The following RIMS2 variants were observed in gnomAD, a reference collection of about 807,000 sequenced individuals.
The protein encoded by RIMS2 is regulating synaptic membrane exocytosis 2.
RIMS2 carries 59 observed loss-of-function variants against 174.4 expected under a neutral mutation model. The observed-to-expected ratio is 0.34, with a 90% confidence interval of 0.27 to 0.42. The LOEUF is 0.42. RIMS2 is among the 10% of genes least tolerant of loss of function. RIMS2 has a pLI of 1.00. For missense variants in RIMS2, 1,620 were observed against 1,666.3 expected (o/e 0.97, Z 0.48); for synonymous variants, 606 against 572.5 (o/e 1.06, Z -0.84).
At chr8:104,041,278 C>A (rs1419981438) in intron 19 of RIMS2, 48 bp from the exon 22 acceptor site, 3 of 636,136 alleles carry the variant, frequency 4.7e-6, no homozygotes, top group Non-Finnish European at 8.7e-6. Flanking sequence ...CATCCACTCA[C>A]TCCCATCTCC....
chr8:103,739,219 G>A (rs541317193), intron 2 of RIMS2, among the ~76,000 whole-genome samples: 104 of 152,278 alleles, frequency 6.8e-4, no homozygotes, highest in African/African-American at 2.2e-3. Context: ...ATGAGTTCAT[G>A]TCCTTTGTAG....
At chr8:103,780,855 G>A (rs1453700512) in intron 3 of RIMS2, among the ~76,000 whole-genome samples, 2 of 151,720 alleles carry the variant, frequency 1.3e-5, no homozygotes, top group East Asian at 3.9e-4. Flanking sequence ...TCCCTGTCTG[G>A]CTTGTTTTGT....
chr8:104,153,229 C>CT (rs2098701089), intron 19 of RIMS2, among the ~76,000 whole-genome samples: 1 of 152,016 alleles, frequency 6.6e-6, no homozygotes, highest in African/African-American at 2.4e-5. Flanking sequence ...TTGAGTATGA[C>CT]TTGATAGGCA....
At chr8:103,971,255 AG>A (rs887165807) in intron 15 of RIMS2, among the ~76,000 whole-genome samples, 10 of 152,218 alleles carry the variant, frequency 6.6e-5, no homozygotes, top group African/African-American at 1.9e-4. Flanking sequence ...AATTTTGGAC[AG>A]ATGTTTGTTT....
At chr8:103,815,110 A>C (rs1045971810) in intron 3 of RIMS2, among the ~76,000 whole-genome samples, 1 of 152,244 alleles carries the variant, frequency 6.6e-6, no homozygotes, top group Admixed American at 6.5e-5. Flanking sequence ...TCATGTTCTT[A>C]CCCAGAGATA....
intron 1 of RIMS2, among the ~76,000 whole-genome samples, chr8:103,593,841 A>T (rs948344141): frequency 8.6e-5 from 13 of 151,486 alleles, no homozygotes; most frequent in Admixed American, 7.9e-4. Context: ...TAAATAGAAA[A>T]TTTAATTTCT....
intron 3 of RIMS2, among the ~76,000 whole-genome samples, chr8:103,814,466 T>G (rs890703831): frequency 6.6e-6 from 1 of 151,716 alleles, no homozygotes; most frequent in Non-Finnish European, 1.5e-5. Context: ...ACTTCAAAAA[T>G]TTTTGAGGAT....
chr8:104,028,790 A>G (rs912327131), intron 19 of RIMS2, among the ~76,000 whole-genome samples: 1 of 152,212 alleles, frequency 6.6e-6, no homozygotes, highest in Non-Finnish European at 1.5e-5. Flanking sequence ...GGTTATCAAG[A>G]TGTTACTGGA....
intron 19 of RIMS2, among the ~76,000 whole-genome samples, chr8:104,193,829 T>C (rs2099010216): frequency 1.3e-5 from 2 of 152,342 alleles, no homozygotes; most frequent in Non-Finnish European, 1.5e-5. Context: ...TCATTTTTAT[T>C]GGGGTTTCTA....
In RIMS2 at chr8:103,956,885, G is replaced by T. The variant is rs1021781215; in HGVS notation, c.2702-4180G>T. On this transcript the variant is annotated intron_variant, in intron 14 of 23. Coordinates refer to ENST00000504942, the Ensembl canonical transcript of RIMS2. ...AGGGCTAATATCCAGAATCTACAAA[G>T]AACTTAAACAGATTTACAAGAAAAA... 3.3e-5 allele frequency among the ~76,000 whole-genome samples: 5 copies of T among 152,000 alleles called. No homozygotes were observed. In the South Asian group the frequency reaches 6.2e-4, roughly 19 times the overall value.
At chr8:103,517,418 G>A (rs979530382) in intron 1 of RIMS2, among the ~76,000 whole-genome samples, 1 of 152,136 alleles carries the variant, frequency 6.6e-6, no homozygotes, top group African/African-American at 2.4e-5. Flanking sequence ...GGGATGGAGT[G>A]GTGGAAGGTG....
intron 19 of RIMS2, among the ~76,000 whole-genome samples, chr8:104,218,571 AAT>A (rs1422076204): frequency 6.6e-6 from 1 of 152,122 alleles, no homozygotes; most frequent in Non-Finnish European, 1.5e-5. Context: ...AACTCACCAT[AAT>A]ATAGAATCAG....
chr8:103,514,861 G>T (rs918721596), intron 1 of RIMS2, among the ~76,000 whole-genome samples: 1 of 151,540 alleles, frequency 6.6e-6, no homozygotes, highest in Non-Finnish European at 1.5e-5. Flanking sequence ...TGGCGCCACT[G>T]CACTTCAGCC....
In RIMS2 at chr8:104,123,663, T is replaced by A. The variant is rs552631202; in HGVS notation, c.3334+109048T>A. Among the ~76,000 whole-genome samples the A allele has an allele frequency of 1.2e-4, 18 of 149,346 alleles. No individual in the cohort carries two copies. In the South Asian group the frequency reaches 1.7e-3, roughly 14 times the overall value. ...ATTGGTAGATTACAAAAAAAAAAAATACAAATAGTGATTAACTAGTATTTT... is the reference window on the plus strand; with the variant it reads ...ATTGGTAGATTACAAAAAAAAAAAAAACAAATAGTGATTAACTAGTATTTT... On this transcript the variant is annotated intron_variant, in intron 19 of 23. Coordinates refer to ENST00000504942, the Ensembl canonical transcript of RIMS2.
Position 103,910,261 on chromosome 8 carries a change from T to A in RIMS2, c.1692+60T>A, listed in dbSNP as rs2075394118. 3 of 1,512,402 alleles carry A rather than the reference T, an allele frequency of 2.0e-6. No individual in the cohort carries two copies. In the South Asian group the frequency reaches 3.6e-5, roughly 18 times the overall value. The allele number at this position is 1,512,402 out of a possible 1,614,324, so 93.7% of individuals were successfully genotyped here. On this transcript the variant is annotated intron_variant, in intron 5 of 23. Transcript: ENST00000504942. ...TTATCATTTCACTTTTCCTTTTTTA[T>A]TTACACCTTTGCATGTTTCTTTTTT...
At chr8:104,228,275 G>A (rs372006676) in intron 19 of RIMS2, among the ~76,000 whole-genome samples, 7 of 152,024 alleles carry the variant, frequency 4.6e-5, no homozygotes, top group South Asian at 4.1e-4. Context: ...TGATCAGCCC[G>A]CCTCGACCTC....
At chr8:103,753,689 C>T (rs573203634) in intron 2 of RIMS2, among the ~76,000 whole-genome samples, 137 of 152,256 alleles carry the variant, frequency 9.0e-4, no homozygotes, top group African/African-American at 3.2e-3. Flanking sequence ...TTATTCATTT[C>T]TTCTTGATTT....
At chr8:103,645,198 A>T (rs1194763828) in intron 1 of RIMS2, among the ~76,000 whole-genome samples, 1 of 152,068 alleles carries the variant, frequency 6.6e-6, no homozygotes, top group Admixed American at 6.6e-5. Context: ...TTGAATGTTT[A>T]TATGACATTT....
At chr8:103,634,322 T>C (rs1216735298) in intron 1 of RIMS2, among the ~76,000 whole-genome samples, 1 of 152,224 alleles carries the variant, frequency 6.6e-6, no homozygotes, top group Non-Finnish European at 1.5e-5. Flanking sequence ...CATGTAATTG[T>C]ATTGTTTCGA....
Sources: allele counts gnomAD v4.1 joint callset (sites outside exome capture counted in the v4.1 genomes callset), GRCh38; gene constraint gnomAD v4.1.1; transcripts MANE v1.5; gene names NCBI Gene and HGNC (gene_info 2026-07-23, HGNC 2026-07-21).